Variants in NVL observed in about 807,000 individuals in gnomAD.
The protein encoded by NVL is nuclear VCP like.
In NVL, 84 loss-of-function variants were observed where a neutral mutation model predicts 110.2. The ratio of observed to expected loss-of-function variants is 0.76; its 90% confidence interval spans 0.64 to 0.91. NVL has a LOEUF of 0.91. NVL is among the 40% of genes least tolerant of loss of function. The pLI is 0.00. For missense variants in NVL, 882 were observed against 1,035.9 expected, an observed-to-expected ratio of 0.85 and a Z score of 2.04; for synonymous variants, 354 against 361.1, an observed-to-expected ratio of 0.98 and a Z score of 0.22.
chr1:224,229,863 G>A (rs114525009), intron 22 of NVL, among the ~76,000 whole-genome samples: 19 of 152,152 alleles, frequency 1.2e-4, no homozygotes, highest in Non-Finnish European at 1.6e-4. Flanking sequence ...ACAAGGTTTC[G>A]TTCTGTAACC....
In NVL at chr1:224,270,109, C is replaced by T. The variant is rs144782991; in HGVS notation, c.2083-1976G>A. On this transcript the variant is annotated intron_variant, in intron 17 of 22. Coordinates refer to ENST00000281701, the MANE Select transcript of NVL (RefSeq NM_002533.4). ...CTCTAGAAAAAAAAAAATTGGTGCTCCTTATTATCACTCCTTGGTAACATA... is the reference window on the plus strand; with the variant it reads ...CTCTAGAAAAAAAAAAATTGGTGCTTCTTATTATCACTCCTTGGTAACATA... Among the ~76,000 whole-genome samples the T allele has an allele frequency of 3.0e-3, 459 of 151,782 alleles. 3 individuals carry two copies. Among genetic ancestry groups the T allele is most frequent in the African/African-American group, 0.011 (438 of 41,346 alleles).
At chr1:224,310,286 A>G (rs1669383852) in intron 5 of NVL, among the ~76,000 whole-genome samples, 1 of 152,048 alleles carries the variant, frequency 6.6e-6, no homozygotes, top group Non-Finnish European at 1.5e-5. Context: ...ATACAAGAGG[A>G]TGTATATAAC....
chr1:224,259,714 G>A (rs1663739716), intron 18 of NVL, among the ~76,000 whole-genome samples: 1 of 152,068 alleles, frequency 6.6e-6, no homozygotes, highest in Non-Finnish European at 1.5e-5. Context: ...GAGTGCAGTG[G>A]CACAATCTCC....
intron 16 of NVL, among the ~76,000 whole-genome samples, chr1:224,277,228 G>C (rs943225220): frequency 3.3e-5 from 5 of 152,106 alleles, no homozygotes; most frequent in Non-Finnish European, 7.4e-5. Flanking sequence ...TTGGAAAGCA[G>C]GAGTCCTATT....
intron 9 of NVL, among the ~76,000 whole-genome samples, chr1:224,303,254 GT>G (rs1668592050): frequency 6.6e-6 from 1 of 152,034 alleles, no homozygotes; most frequent in Admixed American, 6.6e-5. Context: ...GGGCAAGAGG[GT>G]GAAACCCCGT....
At position 224,321,586 on chromosome 1, in the gene NVL, T is replaced by G. The variant is rs372108707; in HGVS notation, c.132-3656A>C. Among the ~76,000 whole-genome samples, 22 of 150,048 alleles carry G rather than the reference T, an allele frequency of 1.5e-4. 1 individual carries two copies. The South Asian group carries it at 2.7e-3, about 18-fold the overall frequency. The stretch of plus-strand genomic sequence containing the variant: ...ACAAAAATTATTTTTAGTAATAATT[T>G]TTAAATAAATTTTAAATAAATTTTT... On this transcript the variant is annotated intron_variant, in intron 2 of 22. Coordinates refer to ENST00000281701, the MANE Select transcript of NVL (RefSeq NM_002533.4).
chr1:224,294,556 A>G, intron 11 of NVL, 145 bp from the exon 12 acceptor site: 1 of 742,728 alleles, frequency 1.3e-6, no homozygotes, highest in Middle Eastern at 3.4e-4. Context: ...TTAAATGTCA[A>G]ATATGTAAAA....
intron 9 of NVL, among the ~76,000 whole-genome samples, chr1:224,302,301 A>G (rs1668496962): frequency 6.6e-6 from 1 of 151,994 alleles, no homozygotes. Flanking sequence ...CTCCAGGTTC[A>G]AGTGATTCTC....
intron 18 of NVL, among the ~76,000 whole-genome samples, chr1:224,253,475 C>T (rs1662752239): frequency 1.3e-5 from 2 of 151,824 alleles, no homozygotes; most frequent in African/African-American, 4.8e-5. Context: ...TGGCTCACGC[C>T]TGTAATCCCA....
chr1:224,312,985 C>A, intron 4 of NVL: 1 of 222,754 alleles, frequency 4.5e-6, no homozygotes, highest in South Asian at 4.7e-5. Flanking sequence ...AAGGGAGACT[C>A]TGTCTCTACA....
intron 7 of NVL, 75 bp downstream of exon 7, chr1:224,304,959 A>G: frequency 6.3e-7 from 1 of 1,578,290 alleles, no homozygotes; most frequent in South Asian, 1.2e-5. Context: ...TCCCTCAAGC[A>G]AAATAGCTTG....
At chr1:224,300,727 C>A in intron 9 of NVL, 64 bp from the exon 10 acceptor site, 1 of 1,253,072 alleles carries the variant, frequency 8.0e-7, no homozygotes, top group East Asian at 2.5e-5. Flanking sequence ...TTTTCTTATC[C>A]AGTCCCCTCA....
At chr1:224,324,034 G>A (rs1233994362) in intron 2 of NVL, among the ~76,000 whole-genome samples, 1 of 152,156 alleles carries the variant, frequency 6.6e-6, no homozygotes, top group Admixed American at 6.6e-5. Flanking sequence ...TTCATTGTGT[G>A]AAAACAAAAA....
rs752196959 is a variant in NVL, at chr1:224,275,337, A to G, written c.2082+2T>C. On this transcript the variant is annotated splice_donor_variant, in intron 17 of 22. Transcript: ENST00000281701. LOFTEE classifies it high-confidence loss of function. ...TGAAAACCACTAGTCCATGATACTT[A>G]CCTCTCGGTCTGATCTTCGAGGACA... 4 of 1,614,028 alleles carry G rather than the reference A, an allele frequency of 2.5e-6. No individual in the cohort carries two copies. In the African/African-American group the frequency reaches 4.0e-5, roughly 16 times the overall value.
At chr1:224,278,763 T>G (rs1666028462) in intron 16 of NVL, among the ~76,000 whole-genome samples, 1 of 151,768 alleles carries the variant, frequency 6.6e-6, no homozygotes, top group Non-Finnish European at 1.5e-5. Flanking sequence ...GACAGGATGT[T>G]GCTCTGTTGC....
In NVL at chr1:224,304,812, GC is replaced by G. The variant is rs749635398; in HGVS notation, c.749-1del. The G allele has an allele frequency of 6.2e-7, 1 of 1,613,376 alleles. No individual in the cohort carries two copies. Among genetic ancestry groups the G allele is most frequent in the East Asian group, 2.2e-5 (1 of 44,856 alleles). On this transcript the variant is annotated splice_acceptor_variant, in intron 7 of 22. Coordinates refer to ENST00000281701, the MANE Select transcript of NVL (RefSeq NM_002533.4). LOFTEE classifies it high-confidence loss of function. ...CTGGAATTCTAACCCCCTGGCTTTA[GC>G]TGGTAAACAAAAATGAGGAGATGAA...
chr1:224,257,440 A>G (rs1264594423), intron 18 of NVL, among the ~76,000 whole-genome samples: 1 of 152,232 alleles, frequency 6.6e-6, no homozygotes, highest in Non-Finnish European at 1.5e-5. Flanking sequence ...TTTTTAACAA[A>G]GGTAACAAGA....
chr1:224,297,713 G>A (rs1373915016), intron 10 of NVL: 1 of 168,586 alleles, frequency 5.9e-6, no homozygotes, highest in African/African-American at 2.4e-5. Context: ...AGAAAACATG[G>A]AGCTGTTCCT....
At position 224,311,793 on chromosome 1, in the gene NVL, G is replaced by C. The variant is rs754603837; in HGVS notation, c.342+7C>G. ...ATCTAAGTGGACCCACTAAATGTTT[G>C]GCTTACCTGTGGATCTGGGTAGTCT... On this transcript the variant is annotated splice_region_variant and intron_variant, in intron 5 of 22. Transcript: ENST00000281701. The C allele has an allele frequency of 1.9e-6, 3 of 1,610,848 alleles. No individual in the cohort carries two copies.
Sources: gnomAD v4.1 joint callset for allele counts (sites outside exome capture counted in the v4.1 genomes callset) on GRCh38, gnomAD v4.1.1 for gene constraint, MANE v1.5 for transcripts, NCBI Gene and HGNC (gene_info 2026-07-23, HGNC 2026-07-21) for gene names.